VAC14: variants seen among roughly 807,000 people sequenced by gnomAD.
VAC14 encodes the protein protein VAC14 homolog.
VAC14 carries 47 observed loss-of-function variants against 85.3 expected under a neutral mutation model. The observed-to-expected ratio is 0.55, with a 90% confidence interval of 0.44 to 0.70. The LOEUF is 0.70. Ranked by LOEUF, VAC14 falls within the 30% of genes least tolerant of loss-of-function variation. VAC14 has a pLI of 0.00. For synonymous variants in VAC14, 447 were observed against 430.5 expected (o/e 1.04, Z -0.47); for missense variants, 861 against 1,004.3 (o/e 0.86, Z 1.93).
At chr16:70,733,857 G>A (rs533452803) in intron 13 of VAC14, among the ~76,000 whole-genome samples, 3 of 152,208 alleles carry the variant, frequency 2.0e-5, no homozygotes, top group African/African-American at 7.2e-5. Context: ...ACAGAGTCTT[G>A]CTTTGTCTCC....
At chr16:70,746,462 C>T (rs2030898148) in intron 12 of VAC14, among the ~76,000 whole-genome samples, 1 of 152,226 alleles carries the variant, frequency 6.6e-6, no homozygotes, top group Non-Finnish European at 1.5e-5. Context: ...TCACAGCCAC[C>T]CCTGCCCGTG....
At chr16:70,725,666 A>C (rs948679742) in intron 14 of VAC14, among the ~76,000 whole-genome samples, 2 of 152,222 alleles carry the variant, frequency 1.3e-5, no homozygotes, top group Non-Finnish European at 2.9e-5. Context: ...TGTCTGTAGC[A>C]GAGGTGAGAG....
Position 70,749,423 on chromosome 16 carries a change from G to A in VAC14, c.1372-4844C>T, listed in dbSNP as rs569894675. On this transcript the variant is annotated intron_variant, in intron 12 of 18. Transcript: ENST00000261776. Reference sequence around the variant, plus strand: ...ATTACACTTCAATTGCACAATTAAAGCCGGAAATGTTGTCTACAGGTTCGT... The same window carrying A: ...ATTACACTTCAATTGCACAATTAAAACCGGAAATGTTGTCTACAGGTTCGT... 3.3e-5 allele frequency among the ~76,000 whole-genome samples: 5 copies of A among 152,358 alleles called. No homozygotes were observed. In the South Asian group the frequency reaches 1.0e-3, roughly 32 times the overall value.
chr16:70,786,415 G>A (rs762980697), intron 1 of VAC14, 50 bp from the exon 2 acceptor site: 4 of 1,592,434 alleles, frequency 2.5e-6, no homozygotes, highest in Non-Finnish European at 2.6e-6. Context: ...CCTCTGCTGT[G>A]GCCTCCAGGG....
At chr16:70,736,846 G>C (rs2054769372) in intron 13 of VAC14, among the ~76,000 whole-genome samples, 1 of 152,142 alleles carries the variant, frequency 6.6e-6, no homozygotes, top group African/African-American at 2.4e-5. Flanking sequence ...GGTTTGAGCA[G>C]GGCAGTCTTT....
intron 14 of VAC14, among the ~76,000 whole-genome samples, chr16:70,711,868 A>G (rs945439763): frequency 8.5e-5 from 13 of 152,254 alleles, no homozygotes; most frequent in African/African-American, 3.1e-4. Flanking sequence ...GAAGTTAAAC[A>G]TGAATACTCA....
At position 70,788,339 on chromosome 16, in the gene VAC14, G is replaced by A. The variant is rs1369412921; in HGVS notation, c.105-1974C>T. The stretch of plus-strand genomic sequence containing the variant: ...CTATCATGCGCCAGGCACTGTTCAC[G>A]CAAGAGGTGACAAAATAGGTCTCGC... On this transcript the variant is annotated intron_variant, in intron 1 of 18. Coordinates refer to ENST00000261776, the MANE Select transcript of VAC14 (RefSeq NM_018052.5). Among the ~76,000 whole-genome samples the A allele has an allele frequency of 5.3e-5, 8 of 152,330 alleles. No individual in the cohort carries two copies. The East Asian group carries it at 1.4e-3, about 26-fold the overall frequency.
At chr16:70,742,455 C>G (rs1431404181) in intron 13 of VAC14, among the ~76,000 whole-genome samples, 3 of 152,260 alleles carry the variant, frequency 2.0e-5, no homozygotes, top group African/African-American at 7.2e-5. Context: ...TAAGGTTGGC[C>G]CCCATGTACT....
chr16:70,701,926 C>G (rs554565106), intron 14 of VAC14, among the ~76,000 whole-genome samples: 2 of 152,338 alleles, frequency 1.3e-5, no homozygotes, highest in South Asian at 4.1e-4. Flanking sequence ...CCAGGAATGG[C>G]ACGTGGCAGG....
At position 70,764,491 on chromosome 16, in the gene VAC14, C is replaced by T. The variant is rs577489462; in HGVS notation, c.1161-1466G>A. On this transcript the variant is annotated intron_variant, in intron 10 of 18. Transcript: ENST00000261776. ...AGTCTAGGGCGGTAAACACTGGCCC[C>T]GTCAATCTCTTAATCAGTTTCTCTC... Among the ~76,000 whole-genome samples, 10 of 152,196 alleles carry T rather than the reference C, an allele frequency of 6.6e-5. No homozygotes were observed. In the South Asian group the frequency reaches 1.7e-3, roughly 25 times the overall value.
intron 9 of VAC14, among the ~76,000 whole-genome samples, chr16:70,778,232 C>A (rs2033621088): frequency 6.6e-6 from 1 of 152,136 alleles, no homozygotes. Context: ...GGAATCAAAC[C>A]CGGGCCTCCC....
chr16:70,735,186 C>A (rs982665728), intron 13 of VAC14, among the ~76,000 whole-genome samples: 1 of 152,046 alleles, frequency 6.6e-6, no homozygotes, highest in African/African-American at 2.4e-5. Flanking sequence ...GGATGCAGAG[C>A]GGCCAACAGA....
rs563313292 is a variant in VAC14 at position 70,702,968 on chromosome 16, C to T, written c.1662-4157G>A. Among the ~76,000 whole-genome samples the T allele has an allele frequency of 1.1e-3, 168 of 152,326 alleles. 1 individual carries two copies. Among genetic ancestry groups the T allele is most frequent in the Non-Finnish European group, 1.6e-3 (106 of 68,034 alleles). On this transcript the variant is annotated intron_variant, in intron 14 of 18. Transcript: ENST00000261776. ...AGAGGAATCTGAGGTTCAGAGAGGA[C>T]CCACAGCTGACCGGAGGAGGAGGAA...
chr16:70,755,690 G>A (rs1032485315), intron 12 of VAC14, among the ~76,000 whole-genome samples: 3 of 152,328 alleles, frequency 2.0e-5, no homozygotes, highest in Admixed American at 6.5e-5. Flanking sequence ...ACTGATACGA[G>A]GGGTTGACAC....
At chr16:70,743,547 C>A (rs769365287) in intron 13 of VAC14, among the ~76,000 whole-genome samples, 15 of 152,176 alleles carry the variant, frequency 9.9e-5, no homozygotes, top group Non-Finnish European at 1.6e-4. Context: ...CACGAACCCA[C>A]CGGAAGGAAG....
At position 70,762,876 on chromosome 16, in the gene VAC14, C is replaced by T. The variant is rs776538818; in HGVS notation, c.1305+5G>A. ...GCCCCTGGCTTGGAGGGGCCCAGGG[C>T]TCACCTTCCGAGGAGTTTTGATGTA... On this transcript the variant is annotated splice_donor_5th_base_variant and intron_variant, in intron 11 of 18. Transcript: ENST00000261776. This position sits in a 1 kb window ranked among gnomAD's most constrained non-coding sequence, Gnocchi z 4.1. 5.0e-6 allele frequency: 8 copies of T among 1,614,098 alleles called. No homozygotes were observed. The South Asian group carries it at 6.6e-5, about 13-fold the overall frequency.
intron 14 of VAC14, among the ~76,000 whole-genome samples, chr16:70,728,027 T>C (rs2054481718): frequency 6.6e-6 from 1 of 152,166 alleles, no homozygotes; most frequent in Admixed American, 6.5e-5. Flanking sequence ...CCCAGTCCTC[T>C]GTGAAAGGCC....
chr16:70,781,968 G>A lies in VAC14; in HGVS notation c.847C>T (p.Arg283Trp), dbSNP rs769516806. ...LIQLTAMCWM[R>W]EFIQLAGRVM... ...CGGCCCGCCAGCTGGATGAACTCCC[G>A]CATCCAGCACATGGCTGTCAGCTGG... Residue 283 changes from arginine (R) to tryptophan (W), a missense_variant, in exon 8 of 19, where the codon CGG becomes TGG. Arg to Trp is a moderately radical substitution (Grantham distance 101). Transcript: ENST00000261776. 10 of 1,613,970 alleles carry A rather than the reference G, an allele frequency of 6.2e-6. No individual in the cohort carries two copies. The highest frequency in any genetic ancestry group is 1.1e-5 in the South Asian group (1 of 91,080).
At chr16:70,698,566 G>T in intron 15 of VAC14, 71 bp downstream of exon 15, 2 of 1,575,478 alleles carry the variant, frequency 1.3e-6, no homozygotes, top group East Asian at 2.3e-5. Context: ...CAGCCGAGGG[G>T]CGGGCTCACA....
Sources: allele counts gnomAD v4.1 joint callset (sites outside exome capture counted in the v4.1 genomes callset), GRCh38; gene constraint gnomAD v4.1.1; non-coding constraint Gnocchi (gnomAD v3.1); transcripts MANE v1.5; gene names NCBI Gene and HGNC (gene_info 2026-07-23, HGNC 2026-07-21).